Variants in EPB41L3 observed in about 807,000 individuals in gnomAD.
EPB41L3 encodes band 4.1-like protein 3.
A neutral mutation model predicts 127.1 loss-of-function variants in EPB41L3; 57 were observed. The ratio of observed to expected loss-of-function variants is 0.45; its 90% CI spans 0.36 to 0.56. The LOEUF (loss-of-function observed/expected upper bound fraction) is 0.56. Ranked by LOEUF, EPB41L3 falls within the 20% of genes least tolerant of loss-of-function variation. EPB41L3 has a pLI of 0.00. For missense variants in EPB41L3, 1,273 were observed against 1,372.2 expected, an observed-to-expected ratio of 0.93 and a Z score of 1.14; for synonymous variants, 572 against 549.5, an observed-to-expected ratio of 1.04 and a Z score of -0.57.
At chr18:5,480,393 C>CT (rs1362986323) in intron 2 of EPB41L3, among the ~76,000 whole-genome samples, 1 of 152,162 alleles carries the variant, frequency 6.6e-6, no homozygotes. Flanking sequence ...TTCTCAATCT[C>CT]TTTTAATCCT....
chr18:5,571,735 G>A (rs1312613788), intron 3 of EPB41L3, among the ~76,000 whole-genome samples: 1 of 152,130 alleles, frequency 6.6e-6, no homozygotes, highest in African/African-American at 2.4e-5. Context: ...TATCCATTGA[G>A]GGATATGTCC....
intron 1 of EPB41L3, among the ~76,000 whole-genome samples, chr18:5,619,815 A>G (rs769815224): frequency 3.3e-5 from 5 of 152,230 alleles, no homozygotes; most frequent in Non-Finnish European, 7.3e-5. Flanking sequence ...CTTTGAATTC[A>G]TCCAAATCCA....
Position 5,416,255 on chromosome 18 carries a change from G to A in EPB41L3, c.1630C>T (p.Pro544Ser), listed in dbSNP as rs1438092664. ...ENDCKLPGYE[P>S]SRAEHLPGEP... Reference sequence around the variant, plus strand: ...CCAGGCAGGTGCTCAGCTCTGGACGGCTCATAACCTGGCAGTTTGCAGTCA... The same window carrying A: ...CCAGGCAGGTGCTCAGCTCTGGACGACTCATAACCTGGCAGTTTGCAGTCA... Residue 544 changes from proline to serine, a missense_variant, in exon 13 of 23, where the codon CCG becomes TCG. Pro to Ser is a moderately conservative substitution (Grantham distance 74, BLOSUM62 -1). This residue lies in a region of EPB41L3 where 765 missense variants were observed against 782.9 expected (regional missense o/e 0.98). Coordinates refer to ENST00000341928, the MANE Select transcript of EPB41L3 (RefSeq NM_012307.5). 1.2e-6 allele frequency: 2 copies of A among 1,614,144 alleles called. No individual in the cohort carries two copies. The highest frequency in any genetic ancestry group is 1.3e-5 in the African/African-American group (1 of 75,040).
chr18:5,583,939 G>T (rs1009549764), intron 3 of EPB41L3, among the ~76,000 whole-genome samples: 1 of 152,126 alleles, frequency 6.6e-6, no homozygotes, highest in Non-Finnish European at 1.5e-5. Context: ...CTCCCGAGTA[G>T]CTGGGATTAC....
At chr18:5,618,230 A>G (rs1042145470) in intron 1 of EPB41L3, among the ~76,000 whole-genome samples, 1 of 152,190 alleles carries the variant, frequency 6.6e-6, no homozygotes, top group African/African-American at 2.4e-5. Context: ...TTTCACCCTA[A>G]GGCTAAAAAA....
At chr18:5,483,151 G>T (rs1005317989) in intron 2 of EPB41L3, among the ~76,000 whole-genome samples, 25 of 152,134 alleles carry the variant, frequency 1.6e-4, no homozygotes, top group African/African-American at 5.3e-4. Context: ...ATGTAATGGG[G>T]ATGGAGTTAA....
At chr18:5,544,399 G>A, upstream of EPB41L3, 1 of 832,312 alleles carries the variant, frequency 1.2e-6, no homozygotes, top group Non-Finnish European at 1.4e-6. Context: ...ATTGGCTAGG[G>A]ACTGCAGTAT....
At chr18:5,470,690 T>C (rs2085961912) in intron 3 of EPB41L3, among the ~76,000 whole-genome samples, 2 of 152,228 alleles carry the variant, frequency 1.3e-5, no homozygotes, top group South Asian at 2.1e-4. Flanking sequence ...TCCTACCTCG[T>C]TGAACTGCTG....
At chr18:5,526,617 C>T (rs1411064544) in intron 1 of EPB41L3, among the ~76,000 whole-genome samples, 2 of 152,098 alleles carry the variant, frequency 1.3e-5, no homozygotes, top group African/African-American at 4.8e-5. Context: ...CAGATCTCTG[C>T]CCTACCAAAA....
chr18:5,521,041 T>C (rs1453178066), intron 1 of EPB41L3, among the ~76,000 whole-genome samples: 1 of 152,202 alleles, frequency 6.6e-6, no homozygotes, highest in Non-Finnish European at 1.5e-5. Context: ...CTGAAATCCT[T>C]GTCCCTGGTC....
intron 1 of EPB41L3, among the ~76,000 whole-genome samples, chr18:5,496,742 A>G (rs1274146977): frequency 6.6e-6 from 1 of 152,208 alleles, no homozygotes; most frequent in Non-Finnish European, 1.5e-5. Flanking sequence ...TTTTTGCTTT[A>G]TGTTGGAAAC....
intron 1 of EPB41L3, among the ~76,000 whole-genome samples, chr18:5,535,616 G>T (rs1475859126): frequency 6.6e-6 from 1 of 152,190 alleles, no homozygotes; most frequent in Non-Finnish European, 1.5e-5. Context: ...GTCCGGGCCA[G>T]CCTGAGACCT....
intron 3 of EPB41L3, among the ~76,000 whole-genome samples, chr18:5,445,985 A>G (rs1318682130): frequency 6.6e-6 from 1 of 152,190 alleles, no homozygotes; most frequent in Admixed American, 6.5e-5. Context: ...CCTGGTGCCA[A>G]AAAGGTTGGG....
chr18:5,395,739 A>C (rs1191851072), intron 19 of EPB41L3, 32 bp from the exon 20 acceptor site: 2 of 1,556,074 alleles, frequency 1.3e-6, no homozygotes, highest in Non-Finnish European at 1.8e-6. Flanking sequence ...CCCCTCATCC[A>C]GGTGCTCACA....
chr18:5,508,549 C>G (rs76857001), intron 1 of EPB41L3, among the ~76,000 whole-genome samples: 1 of 151,886 alleles, frequency 6.6e-6, no homozygotes. Context: ...GGGTGGATCA[C>G]AAGGTCAGGA....
chr18:5,394,887 T>A lies in EPB41L3; in HGVS notation c.3154-94A>T, dbSNP rs1343911351. ...TGGAGACTTATGAGCTAGATCTATATCCACAATTTACAAATGAGGTACAAT... is the reference window on the plus strand; with the variant it reads ...TGGAGACTTATGAGCTAGATCTATAACCACAATTTACAAATGAGGTACAAT... On this transcript the variant is annotated intron_variant, in intron 21 of 22. Coordinates refer to ENST00000341928, the MANE Select transcript of EPB41L3 (RefSeq NM_012307.5). The A allele has an allele frequency of 3.2e-6, 4 of 1,256,772 alleles. No individual in the cohort carries two copies. The South Asian group carries it at 3.8e-5, about 12-fold the overall frequency. 77.9% of individuals were successfully genotyped at this position (1,256,772 alleles called of 1,614,324 possible). A position where few individuals can be genotyped will look rare whatever the true frequency, so the allele number is the denominator to read the frequency against.
chr18:5,558,051 G>A (rs1381677161), intron 3 of EPB41L3, among the ~76,000 whole-genome samples: 2 of 152,166 alleles, frequency 1.3e-5, no homozygotes, highest in Non-Finnish European at 1.5e-5. Context: ...TATGTGCCAG[G>A]CACTTTGCAA....
chr18:5,436,865 T>C, intron 6 of EPB41L3, among the ~76,000 whole-genome samples: 1 of 152,262 alleles, frequency 6.6e-6, no homozygotes, highest in Non-Finnish European at 1.5e-5. Context: ...CCTCTGGAAC[T>C]AATTTTTACC....
chr18:5,499,660 G>C (rs1693282009), intron 1 of EPB41L3, among the ~76,000 whole-genome samples: 2 of 151,824 alleles, frequency 1.3e-5, no homozygotes, highest in Non-Finnish European at 2.9e-5. Flanking sequence ...CCAGCTACTT[G>C]GAAGGCTGAG....
Sources: allele counts gnomAD v4.1 joint callset (sites outside exome capture counted in the v4.1 genomes callset), GRCh38; gene constraint gnomAD v4.1.1; regional missense constraint gnomAD v4.1.1; transcripts MANE v1.5; gene names NCBI Gene and HGNC (gene_info 2026-07-23, HGNC 2026-07-21).